Variants in HS3ST4 observed in about 807,000 individuals in gnomAD.
HS3ST4 encodes heparan sulfate glucosamine 3-O-sulfotransferase 4.
In HS3ST4, 17 loss-of-function variants were observed where a neutral mutation model predicts 29.2. The observed-to-expected ratio is 0.58, with a 90% CI of 0.40 to 0.87. The LOEUF (loss-of-function observed/expected upper bound fraction) is 0.87, where lower values mean the gene tolerates loss of function less well. HS3ST4 is among the 40% of genes least tolerant of loss of function. The probability of loss-of-function intolerance (pLI) is 0.00; values close to 1 mark genes in which losing one functional copy is unlikely to be tolerated. For synonymous variants in HS3ST4, 314 were observed against 285.7 expected (o/e 1.10, Z -1.00); for missense variants, 627 against 634.5 (o/e 0.99, Z 0.13).
chr16:25,815,052 G>T (rs1967079353), intron 1 of HS3ST4, among the ~76,000 whole-genome samples: 1 of 152,210 alleles, frequency 6.6e-6, no homozygotes, highest in Non-Finnish European at 1.5e-5. Flanking sequence ...CAGTGACCAT[G>T]CAGCGACATG....
chr16:25,873,540 T>TTCTC (rs149179800), intron 1 of HS3ST4, among the ~76,000 whole-genome samples: 4,872 of 137,528 alleles, frequency 0.035, 226 homozygotes, highest in East Asian at 0.086. Context: ...CTATCTATCT[T>TTCTC]TCTCTATCTA....
At chr16:25,837,649 T>C (rs1967371311) in intron 1 of HS3ST4, among the ~76,000 whole-genome samples, 1 of 152,090 alleles carries the variant, frequency 6.6e-6, no homozygotes, top group Non-Finnish European at 1.5e-5. Flanking sequence ...ACAGGTCCTA[T>C]ATAACAGATT....
At chr16:25,742,402 A>C (rs143312678) in intron 1 of HS3ST4, among the ~76,000 whole-genome samples, 3 of 152,272 alleles carry the variant, frequency 2.0e-5, no homozygotes, top group East Asian at 3.9e-4. Flanking sequence ...ATTCACTCTA[A>C]ACCAGCCACA....
chr16:25,821,864 G>T (rs74014114), intron 1 of HS3ST4, among the ~76,000 whole-genome samples: 1 of 152,008 alleles, frequency 6.6e-6, no homozygotes, highest in South Asian at 2.1e-4. Flanking sequence ...CCTGAGGATC[G>T]TGCCACTACC....
intron 1 of HS3ST4, among the ~76,000 whole-genome samples, chr16:25,876,575 C>T (rs1967835254): frequency 6.6e-6 from 1 of 152,152 alleles, no homozygotes; most frequent in Non-Finnish European, 1.5e-5. Flanking sequence ...GTCCCCTCAT[C>T]TCTTATTGGT....
intron 1 of HS3ST4, among the ~76,000 whole-genome samples, chr16:26,083,309 G>A (rs1446528042): frequency 6.6e-6 from 1 of 152,222 alleles, no homozygotes; most frequent in African/African-American, 2.4e-5. Flanking sequence ...AAAACTTTTT[G>A]TACTAAATCG....
chr16:25,893,547 C>G (rs1968031233), intron 1 of HS3ST4, among the ~76,000 whole-genome samples: 1 of 152,282 alleles, frequency 6.6e-6, no homozygotes, highest in South Asian at 2.1e-4. Flanking sequence ...GGGTCACATG[C>G]AAATTCATGG....
chr16:25,692,709 C>G lies in HS3ST4; in HGVS notation c.292C>G (p.Pro98Ala), dbSNP rs1359967996. Residue 98 changes from proline to alanine, a missense_variant, in exon 1 of 2, where the codon CCC becomes GCC. Coordinates refer to ENST00000331351, the MANE Select transcript of HS3ST4 (RefSeq NM_006040.3). ...GCGCCTCGGCGCCCCCTCGCAGCCGCCCGCGCCGCCGCCGCTGGACAACGC... is the reference window on the plus strand; with the variant it reads ...GCGCCTCGGCGCCCCCTCGCAGCCGGCCGCGCCGCCGCCGCTGGACAACGC... The part of the protein sequence containing the change: ...PVRLGAPSQP[P>A]APPPLDNASH... The G allele has an allele frequency of 4.1e-6, 5 of 1,228,758 alleles. No homozygotes were observed. The highest frequency in any genetic ancestry group is 1.6e-5 in the African/African-American group (1 of 62,668). 76.1% of individuals were successfully genotyped at this position (1,228,758 alleles called of 1,614,324 possible). A position where few individuals can be genotyped will look rare whatever the true frequency, so the allele number is the denominator to read the frequency against.
chr16:26,112,621 T>C (rs1219276485), intron 1 of HS3ST4, among the ~76,000 whole-genome samples: 1 of 151,982 alleles, frequency 6.6e-6, no homozygotes, highest in Non-Finnish European at 1.5e-5. Context: ...AGAAGATATT[T>C]GCAGTCTATA....
intron 1 of HS3ST4, among the ~76,000 whole-genome samples, chr16:26,083,623 T>C (rs956908562): frequency 6.6e-6 from 1 of 152,190 alleles, no homozygotes; most frequent in African/African-American, 2.4e-5. Flanking sequence ...GAATAAAACT[T>C]TATTTATAAA....
At chr16:26,069,197 C>A (rs896079846) in intron 1 of HS3ST4, among the ~76,000 whole-genome samples, 3 of 152,206 alleles carry the variant, frequency 2.0e-5, no homozygotes, top group Non-Finnish European at 4.4e-5. Flanking sequence ...AGTGATACAA[C>A]TGCCTCAGCC....
chr16:25,793,672 A>T (rs1966875349), intron 1 of HS3ST4, among the ~76,000 whole-genome samples: 1 of 151,938 alleles, frequency 6.6e-6, no homozygotes, highest in Non-Finnish European at 1.5e-5. Flanking sequence ...TTGTTCTTAT[A>T]TTTAAGTTGT....
intron 1 of HS3ST4, among the ~76,000 whole-genome samples, chr16:25,822,812 A>G (rs1165785583): frequency 6.6e-6 from 1 of 151,796 alleles, no homozygotes; most frequent in African/African-American, 2.4e-5. Context: ...ATCTCAGCTC[A>G]CTGCAACCTC....
chr16:25,924,220 A>G (rs1451356788), intron 1 of HS3ST4, among the ~76,000 whole-genome samples: 1 of 152,138 alleles, frequency 6.6e-6, no homozygotes, highest in Admixed American at 6.6e-5. Flanking sequence ...TTTATTCTGT[A>G]CGGCCAATCT....
intron 1 of HS3ST4, among the ~76,000 whole-genome samples, chr16:25,930,408 A>G (rs546766011): frequency 6.6e-6 from 1 of 152,326 alleles, no homozygotes; most frequent in African/African-American, 2.4e-5. Context: ...CCCATATGAG[A>G]TCTGCTAAGT....
chr16:25,779,423 G>C (rs1051164249), intron 1 of HS3ST4, among the ~76,000 whole-genome samples: 1 of 152,206 alleles, frequency 6.6e-6, no homozygotes, highest in African/African-American at 2.4e-5. Flanking sequence ...ATGTAAGTCT[G>C]ATCTTGAAGC....
chr16:25,978,860 A>G (rs1391662738), intron 1 of HS3ST4, among the ~76,000 whole-genome samples: 1 of 152,068 alleles, frequency 6.6e-6, no homozygotes, highest in Non-Finnish European at 1.5e-5. Context: ...TTACCTGAAG[A>G]CATAACTAGC....
chr16:25,873,145 A>G (rs1183946635), intron 1 of HS3ST4, among the ~76,000 whole-genome samples: 1 of 151,694 alleles, frequency 6.6e-6, no homozygotes, highest in African/African-American at 2.4e-5. Flanking sequence ...TCTTTCTTCC[A>G]TCTGTCCATC....
At chr16:26,104,987 T>G (rs754772288) in intron 1 of HS3ST4, among the ~76,000 whole-genome samples, 2 of 152,140 alleles carry the variant, frequency 1.3e-5, no homozygotes, top group Non-Finnish European at 2.9e-5. Context: ...ACCTGATACT[T>G]TCATTATTTC....
Sources: gnomAD v4.1 joint callset for allele counts (sites outside exome capture counted in the v4.1 genomes callset) on GRCh38, gnomAD v4.1.1 for gene constraint, MANE v1.5 for transcripts, NCBI Gene and HGNC (gene_info 2026-07-23, HGNC 2026-07-21) for gene names.